Variants in EYA1 observed in about 807,000 individuals in gnomAD.
EYA1 encodes the protein EYA transcriptional coactivator and phosphatase 1, also known as protein phosphatase EYA1.
Under a neutral mutation model 82.0 loss-of-function variants are expected in EYA1, and 16 were observed. The observed-to-expected ratio is 0.20, with a 90% CI of 0.13 to 0.30. The LOEUF is 0.30. EYA1 is among the 10% of genes least tolerant of loss of function. The pLI is 1.00. For synonymous variants in EYA1, 261 were observed against 264.4 expected (o/e 0.99, Z 0.12); for missense variants, 633 against 730.7 (o/e 0.87, Z 1.54).
At chr8:71,437,710 T>A (rs1233417588) in intron 2 of EYA1, among the ~76,000 whole-genome samples, 1 of 151,638 alleles carries the variant, frequency 6.6e-6, no homozygotes, top group Admixed American at 6.6e-5. Context: ...TAGTGAAAAA[T>A]GAAGTAAAAT....
chr8:71,361,337 T>C (rs940727333), intron 1 of EYA1, among the ~76,000 whole-genome samples: 5 of 152,232 alleles, frequency 3.3e-5, no homozygotes, highest in South Asian at 4.1e-4. Context: ...GTCATCTCCC[T>C]GCAAGAATAT....
intron 1 of EYA1, chr8:71,356,873 A>G (rs1007486326): frequency 4.1e-6 from 1 of 245,040 alleles, no homozygotes; most frequent in African/African-American, 2.3e-5. Context: ...GCGAATGACA[A>G]AATGATCGTG....
intron 2 of EYA1, among the ~76,000 whole-genome samples, chr8:71,515,555 G>A (rs1474624476): frequency 2.0e-5 from 3 of 151,840 alleles, no homozygotes; most frequent in Middle Eastern, 3.2e-3. Flanking sequence ...TTGCCATGAC[G>A]GAAAAGTGCC....
chr8:71,293,043 G>C (rs79717711), intron 9 of EYA1, among the ~76,000 whole-genome samples: 9,376 of 152,038 alleles, frequency 0.062, 372 homozygotes, highest in African/African-American at 0.11. Context: ...TAAACCTCTA[G>C]GCAGGCTAAC....
chr8:71,515,807 G>C (rs1812934138), intron 2 of EYA1, among the ~76,000 whole-genome samples: 1 of 151,996 alleles, frequency 6.6e-6, no homozygotes, highest in Admixed American at 6.6e-5. Context: ...ATCCCAACAA[G>C]ACCTTTTGCA....
At chr8:71,202,541 A>T (rs12678747) in intron 17 of EYA1, among the ~76,000 whole-genome samples, 50,504 of 151,976 alleles carry the variant, frequency 0.33, 9,178 homozygotes, top group East Asian at 0.77. Flanking sequence ...AGCAGCACCC[A>T]GAAACGAGGT....
chr8:71,267,790 C>T (rs1232373231), intron 11 of EYA1, among the ~76,000 whole-genome samples: 2 of 152,134 alleles, frequency 1.3e-5, no homozygotes, highest in Non-Finnish European at 2.9e-5. Flanking sequence ...CCTCGTGATC[C>T]ACCCGCCTTG....
intron 11 of EYA1, among the ~76,000 whole-genome samples, chr8:71,260,395 A>G (rs1416449031): frequency 6.6e-6 from 1 of 152,152 alleles, no homozygotes; most frequent in Non-Finnish European, 1.5e-5. Flanking sequence ...TTCTTATCCT[A>G]TTATTTTCAA....
rs1171658220 is a variant in EYA1 at position 71,198,280 on chromosome 8, G to T, written c.*1060C>A. Reference sequence around the variant, plus strand: ...AATACATTAGTGTGGAAATGAAAAAGTGAGGTGGTAGGAGAGCTCATTTTG... The same window carrying T: ...AATACATTAGTGTGGAAATGAAAAATTGAGGTGGTAGGAGAGCTCATTTTG... On this transcript the variant is annotated 3_prime_UTR_variant, in exon 18 of 18. Coordinates refer to ENST00000340726, the MANE Select transcript of EYA1 (RefSeq NM_000503.6). The T allele has an allele frequency of 6.6e-6, 1 of 152,590 alleles. No individual in the cohort carries two copies. The allele number at this position is 152,590 out of a possible 1,614,324, so 9.5% of individuals were successfully genotyped here. A position where few individuals can be genotyped will look rare whatever the true frequency, so the allele number is the denominator to read the frequency against.
At chr8:71,431,683 G>A (rs1163316531) in intron 2 of EYA1, among the ~76,000 whole-genome samples, 1 of 152,082 alleles carries the variant, frequency 6.6e-6, no homozygotes, top group African/African-American at 2.4e-5. Context: ...CTTCTTTTAA[G>A]GAAACTCAAG....
At chr8:71,355,311 A>G (rs1337144119) in intron 2 of EYA1, among the ~76,000 whole-genome samples, 1 of 152,214 alleles carries the variant, frequency 6.6e-6, no homozygotes, top group Non-Finnish European at 1.5e-5. Flanking sequence ...AAAGAAGTAA[A>G]ATGGAAATAG....
intron 2 of EYA1, among the ~76,000 whole-genome samples, chr8:71,506,594 G>T (rs1304456176): frequency 6.6e-6 from 1 of 152,150 alleles, no homozygotes; most frequent in Non-Finnish European, 1.5e-5. Flanking sequence ...AAAAGGGTTT[G>T]TTGTTGTTTC....
chr8:71,352,183 G>A (rs373080272), intron 3 of EYA1, among the ~76,000 whole-genome samples: 3 of 152,070 alleles, frequency 2.0e-5, no homozygotes, highest in African/African-American at 7.2e-5. Flanking sequence ...GAAGAAATAG[G>A]AAAATCTATA....
intron 6 of EYA1, 36 bp from the exon 7 acceptor site, chr8:71,317,725 T>C: frequency 6.2e-7 from 1 of 1,609,952 alleles, no homozygotes; most frequent in Non-Finnish European, 8.5e-7. Flanking sequence ...TATCTGTCCA[T>C]TTTCAAAAGC....
intron 2 of EYA1, among the ~76,000 whole-genome samples, chr8:71,412,157 C>G (rs1830628346): frequency 1.5e-5 from 2 of 129,072 alleles, no homozygotes; most frequent in African/African-American, 5.9e-5. Flanking sequence ...CATATTCTCA[C>G]TCATAGGTGG....
At chr8:71,466,934 C>T (rs1283575639) in intron 2 of EYA1, among the ~76,000 whole-genome samples, 2 of 151,956 alleles carry the variant, frequency 1.3e-5, no homozygotes, top group Non-Finnish European at 2.9e-5. Context: ...TTTGTTTAAA[C>T]TTTTATGTTT....
chr8:71,241,742 T>G (rs1812501899), intron 12 of EYA1, among the ~76,000 whole-genome samples: 2 of 152,082 alleles, frequency 1.3e-5, no homozygotes, highest in Admixed American at 1.3e-4. Flanking sequence ...GAGTGTGAAA[T>G]CAGGCATTAC....
At chr8:71,367,360 T>C (rs917954033) in intron 2 of EYA1, among the ~76,000 whole-genome samples, 2 of 152,082 alleles carry the variant, frequency 1.3e-5, no homozygotes, top group African/African-American at 4.8e-5. Flanking sequence ...AATAATTATA[T>C]TAAAAGTGCA....
At chr8:71,275,440 A>T (rs1223452126) in intron 9 of EYA1, among the ~76,000 whole-genome samples, 1 of 152,194 alleles carries the variant, frequency 6.6e-6, no homozygotes, top group Admixed American at 6.5e-5. Context: ...GATGTCCAGT[A>T]GGCTGCTAGA....
Sources: allele counts gnomAD v4.1 joint callset (sites outside exome capture counted in the v4.1 genomes callset), GRCh38; gene constraint gnomAD v4.1.1; transcripts MANE v1.5; gene names NCBI Gene and HGNC (gene_info 2026-07-23, HGNC 2026-07-21).